SEL1L: variants seen among roughly 807,000 people sequenced by gnomAD.
SEL1L encodes protein sel-1 homolog 1.
SEL1L carries 52 observed loss-of-function variants against 109.8 expected under a neutral mutation model. The ratio of observed to expected loss-of-function variants is 0.47; its 90% CI spans 0.38 to 0.60. SEL1L has a LOEUF of 0.60. Ranked by LOEUF, SEL1L falls within the 20% of genes least tolerant of loss-of-function variation. The probability of loss-of-function intolerance (pLI) is 0.00; values close to 1 mark genes in which losing one functional copy is unlikely to be tolerated. For missense variants in SEL1L, 749 were observed against 962.2 expected (o/e 0.78, Z 2.93); for synonymous variants, 373 against 339.6 (o/e 1.10, Z -1.08).
intron 14 of SEL1L, among the ~76,000 whole-genome samples, chr14:81,488,430 G>C (rs574471438): frequency 6.6e-6 from 1 of 152,298 alleles, no homozygotes; most frequent in East Asian, 1.9e-4. Flanking sequence ...AGAATGACTA[G>C]AAGGCCGCAA....
At chr14:81,486,486 G>A (rs772017422) in intron 16 of SEL1L, 32 bp from the exon 17 acceptor site, 1 of 1,604,926 alleles carries the variant, frequency 6.2e-7, no homozygotes, top group East Asian at 2.2e-5. Context: ...AATATCAGTA[G>A]AAGAAAATAA....
Position 81,490,463 on chromosome 14 carries a change from C to T in SEL1L, c.1257G>A (p.Met419Ile). The T allele has an allele frequency of 6.2e-7, 1 of 1,612,588 alleles. No homozygotes were observed. Among genetic ancestry groups the T allele is most frequent in the Non-Finnish European group, 8.5e-7 (1 of 1,178,694 alleles). ...NSHAMAFLGK[M>I]YSEGSDIVPQ... ...GTACAATGTCACTTCCTTCCGAATA[C>T]ATCTGGAAAACAGATCCCAATTTCA... The change falls in exon 13 of 21, where the codon ATG (methionine) becomes ATA (isoleucine). Residue 419 changes from methionine (M) to isoleucine (I), a missense_variant and splice_region_variant. Physicochemically the swap from Met to Ile is conservative, Grantham distance 10. Transcript: ENST00000336735.
At chr14:81,483,795 C>T (rs1236967837) in intron 19 of SEL1L, among the ~76,000 whole-genome samples, 2 of 152,118 alleles carry the variant, frequency 1.3e-5, no homozygotes, top group Non-Finnish European at 2.9e-5. Flanking sequence ...TGAGGGCACA[C>T]AGGAAAAACC....
In SEL1L at chr14:81,472,560, G is replaced by C; in HGVS notation, c.*4412C>G. 2.2e-6 allele frequency: 1 copy of C among 453,442 alleles called. No homozygotes were observed. Among genetic ancestry groups the C allele is most frequent in the Non-Finnish European group, 4.4e-6 (1 of 228,458 alleles). 28.1% of individuals were successfully genotyped at this position (453,442 alleles called of 1,614,324 possible). On this transcript the variant is annotated 3_prime_UTR_variant, in exon 21 of 21. Coordinates refer to ENST00000336735, the MANE Select transcript of SEL1L (RefSeq NM_005065.6). Reference sequence around the variant, plus strand: ...ATGTTACTGTGTGGTACGTGTCTCTGCAAGTCCTCTTAAAAAATTCCTGGG... The same window carrying C: ...ATGTTACTGTGTGGTACGTGTCTCTCCAAGTCCTCTTAAAAAATTCCTGGG...
chr14:81,473,098 C>T lies in SEL1L; in HGVS notation c.*3874G>A, dbSNP rs1421284748. 1 of 152,334 alleles carries T rather than the reference C, an allele frequency of 6.6e-6. No individual in the cohort carries two copies. Among genetic ancestry groups the T allele is most frequent in the Admixed American group, 6.5e-5 (1 of 15,286 alleles). 9.4% of individuals were successfully genotyped at this position (152,334 alleles called of 1,614,324 possible). Reference sequence around the variant, plus strand: ...AAGAGTCTACCATGGTGTTCCTTCACAATGCCAGCTTAAGGTCTTTTAAAA... The same window carrying T: ...AAGAGTCTACCATGGTGTTCCTTCATAATGCCAGCTTAAGGTCTTTTAAAA... On this transcript the variant is annotated 3_prime_UTR_variant, in exon 21 of 21. Coordinates refer to ENST00000336735, the MANE Select transcript of SEL1L (RefSeq NM_005065.6).
chr14:81,527,742 C>A lies in SEL1L; in HGVS notation c.71-4G>T. On this transcript the variant is annotated splice_polypyrimidine_tract_variant and splice_region_variant and intron_variant, in intron 1 of 20. Coordinates refer to ENST00000336735, the MANE Select transcript of SEL1L (RefSeq NM_005065.6). ...TCATCCTGGCTGCCTTCTTCATCTG[C>A]AAAGAAATTTTAAGACAATTTAGTA... 1 of 1,597,234 alleles carries A rather than the reference C, an allele frequency of 6.3e-7. No individual in the cohort carries two copies. Among genetic ancestry groups the A allele is most frequent in the Non-Finnish European group, 8.5e-7 (1 of 1,169,810 alleles).
chr14:81,479,805 A>G, intron 19 of SEL1L, 65 bp from the exon 20 acceptor site: 1 of 1,362,468 alleles, frequency 7.3e-7, no homozygotes, highest in Non-Finnish European at 9.8e-7. Context: ...TTTAGTGAAC[A>G]TATTAGACGA....
Position 81,474,381 on chromosome 14 carries a change from T to A in SEL1L, c.*2591A>T, listed in dbSNP as rs910236041. 4 of 152,116 alleles carry A rather than the reference T, an allele frequency of 2.6e-5. No individual in the cohort carries two copies. Among genetic ancestry groups the A allele is most frequent in the African/African-American group, 9.7e-5 (4 of 41,428 alleles). The allele number at this position is 152,116 out of a possible 1,614,324, so 9.4% of individuals were successfully genotyped here. A position where few individuals can be genotyped will look rare whatever the true frequency, so the allele number is the denominator to read the frequency against. ...AAACAGGGTTTTACTGTCATCAAGT[T>A]CGAAGGCAGGAAGACAGACTAGAAA... On this transcript the variant is annotated 3_prime_UTR_variant, in exon 21 of 21. Coordinates refer to ENST00000336735, the MANE Select transcript of SEL1L (RefSeq NM_005065.6).
At chr14:81,481,163 C>T (rs1315473743) in intron 19 of SEL1L, among the ~76,000 whole-genome samples, 1 of 152,026 alleles carries the variant, frequency 6.6e-6, no homozygotes, top group African/African-American at 2.4e-5. Flanking sequence ...TAATTTTGGC[C>T]CAGGCTGGAG....
intron 19 of SEL1L, among the ~76,000 whole-genome samples, chr14:81,480,344 C>T (rs1342187914): frequency 1.3e-5 from 2 of 152,178 alleles, no homozygotes; most frequent in Non-Finnish European, 2.9e-5. Flanking sequence ...TGCCTGCCAC[C>T]TCGCCCGGCT....
rs186926381 is a variant in SEL1L at position 81,520,467 on chromosome 14, T to C, written c.340+6266A>G. 1.2e-4 allele frequency among the ~76,000 whole-genome samples: 18 copies of C among 152,338 alleles called. No homozygotes were observed. In the East Asian group the frequency reaches 3.3e-3, roughly 28 times the overall value. On this transcript the variant is annotated intron_variant, in intron 3 of 20. Transcript: ENST00000336735. ...TGAAACTATATATGCATATTTATTA[T>C]GATAAAACAAAATAACATTAATGTC...
chr14:81,508,981 C>T (rs1295273038), intron 3 of SEL1L, among the ~76,000 whole-genome samples: 1 of 152,120 alleles, frequency 6.6e-6, no homozygotes, highest in Non-Finnish European at 1.5e-5. Context: ...TCAGCACTGA[C>T]ATAAGGAGGA....
intron 19 of SEL1L, among the ~76,000 whole-genome samples, chr14:81,481,526 T>G (rs1903355392): frequency 6.6e-6 from 1 of 152,224 alleles, no homozygotes; most frequent in Non-Finnish European, 1.5e-5. Context: ...CTTCATGTGA[T>G]TCATACATTG....
intron 1 of SEL1L, among the ~76,000 whole-genome samples, chr14:81,530,960 T>A (rs1885298220): frequency 6.6e-6 from 1 of 152,178 alleles, no homozygotes; most frequent in Non-Finnish European, 1.5e-5. Flanking sequence ...ATAGAAAAGC[T>A]ACAGTGAAAA....
At chr14:81,483,530 T>G (rs1392399419) in intron 19 of SEL1L, among the ~76,000 whole-genome samples, 1 of 152,146 alleles carries the variant, frequency 6.6e-6, no homozygotes, top group African/African-American at 2.4e-5. Flanking sequence ...GTAGAAAACA[T>G]AAATTTAGGG....
In SEL1L at chr14:81,471,804, G is replaced by A. The variant is rs537340974; in HGVS notation, c.*5168C>T. 14 of 152,266 alleles carry A rather than the reference G, an allele frequency of 9.2e-5. No homozygotes were observed. Among genetic ancestry groups the A allele is most frequent in the African/African-American group, 2.9e-4 (12 of 41,536 alleles). 9.4% of individuals were successfully genotyped at this position (152,266 alleles called of 1,614,324 possible). A position where few individuals can be genotyped will look rare whatever the true frequency, so the allele number is the denominator to read the frequency against. On this transcript the variant is annotated 3_prime_UTR_variant, in exon 21 of 21. Transcript: ENST00000336735. ...GTGAATTTTCAGGATCTAATTAAAA[G>A]CTTGTTCAATTTGATGGCGAAGTAG...
In SEL1L at chr14:81,476,114, C is replaced by T. The variant is rs1001473674; in HGVS notation, c.*858G>A. 1 of 152,196 alleles carries T rather than the reference C, an allele frequency of 6.6e-6. No individual in the cohort carries two copies. Among genetic ancestry groups the T allele is most frequent in the African/African-American group, 2.4e-5 (1 of 41,446 alleles). The allele number at this position is 152,196 out of a possible 1,614,324, so 9.4% of individuals were successfully genotyped here. A position where few individuals can be genotyped will look rare whatever the true frequency, so the allele number is the denominator to read the frequency against. On this transcript the variant is annotated 3_prime_UTR_variant, in exon 21 of 21. Transcript: ENST00000336735. ...TGTGTCTGTGATCGTAGTACCCCAA[C>T]CAGAGTTCGTTTTGTTTTCTAATTT...
At chr14:81,521,212 G>A (rs901977362) in intron 3 of SEL1L, among the ~76,000 whole-genome samples, 1 of 152,136 alleles carries the variant, frequency 6.6e-6, no homozygotes, top group Non-Finnish European at 1.5e-5. Flanking sequence ...TATAAGTAAT[G>A]AAAATTTAGC....
Position 81,473,930 on chromosome 14 carries a change from C to CA in SEL1L, c.*3041dup, listed in dbSNP as rs1903079688. ...AAATACTTAAGTTTCCTGGAGGCATCAACGGCTCTTTAAATAAATCATCAG... is the reference window on the plus strand; with the variant it reads ...AAATACTTAAGTTTCCTGGAGGCATCAAACGGCTCTTTAAATAAATCATCAG... On this transcript the variant is annotated 3_prime_UTR_variant, in exon 21 of 21. Coordinates refer to ENST00000336735, the MANE Select transcript of SEL1L (RefSeq NM_005065.6). 1 of 151,902 alleles carries CA rather than the reference C, an allele frequency of 6.6e-6. No homozygotes were observed. Among genetic ancestry groups the CA allele is most frequent in the African/African-American group, 2.4e-5 (1 of 41,414 alleles). 9.4% of individuals were successfully genotyped at this position (151,902 alleles called of 1,614,324 possible).
Sources: gnomAD v4.1 joint callset for allele counts (sites outside exome capture counted in the v4.1 genomes callset) on GRCh38, gnomAD v4.1.1 for gene constraint, MANE v1.5 for transcripts, NCBI Gene and HGNC (gene_info 2026-07-23, HGNC 2026-07-21) for gene names.